The following GABRG1 variants were observed in gnomAD, a reference collection of about 807,000 sequenced individuals.
The protein encoded by GABRG1 is gamma-aminobutyric acid type A receptor subunit gamma1.
In GABRG1, 49 loss-of-function variants were observed where a neutral mutation model predicts 49.8. The ratio of observed to expected loss-of-function variants is 0.98; its 90% CI spans 0.78 to 1.25. The LOEUF (loss-of-function observed/expected upper bound fraction) is 1.25. Ranked by LOEUF, GABRG1 falls within the 50% of genes most tolerant of loss-of-function variation. The probability of loss-of-function intolerance (pLI) is 0.00; values close to 1 mark genes in which losing one functional copy is unlikely to be tolerated. For missense variants in GABRG1, 552 were observed against 552.3 expected (o/e 1.00, Z 0.01); for synonymous variants, 232 against 185.1 (o/e 1.25, Z -2.06).
intron 3 of GABRG1, among the ~76,000 whole-genome samples, chr4:46,065,880 G>A (rs575566296): frequency 1.3e-4 from 20 of 152,062 alleles, no homozygotes; most frequent in African/African-American, 3.9e-4. Context: ...CCGCCACCAC[G>A]CCTGGCTAAT....
chr4:46,102,949 G>A lies in GABRG1; in HGVS notation c.105-5600C>T, dbSNP rs574003129. On this transcript the variant is annotated intron_variant, in intron 1 of 8. Coordinates refer to ENST00000295452, the MANE Select transcript of GABRG1 (RefSeq NM_173536.4). The stretch of plus-strand genomic sequence containing the variant: ...AATTAATATAAACTATTTTTCATGC[G>A]TAAATTAAACATTCATTGAGGTTTG... Among the ~76,000 whole-genome samples the A allele has an allele frequency of 5.9e-5, 9 of 151,642 alleles. No individual in the cohort carries two copies. The East Asian group carries it at 7.8e-4, about 13-fold the overall frequency.
At chr4:46,114,470 T>A (rs1359219671) in intron 1 of GABRG1, among the ~76,000 whole-genome samples, 1 of 150,968 alleles carries the variant, frequency 6.6e-6, no homozygotes, top group African/African-American at 2.4e-5. Context: ...ATGCAGTTAA[T>A]CATACTGTAT....
At chr4:46,075,997 G>A (rs980424827) in intron 3 of GABRG1, among the ~76,000 whole-genome samples, 3 of 151,858 alleles carry the variant, frequency 2.0e-5, no homozygotes, top group East Asian at 3.9e-4. Context: ...ATTCCTTAAC[G>A]GGTAAATGTA....
rs200436750 is a variant in GABRG1, at chr4:46,060,595, AT to A, written c.626-1974del. 5.9e-5 allele frequency among the ~76,000 whole-genome samples: 9 copies of A among 152,306 alleles called. No individual in the cohort carries two copies. In the East Asian group the frequency reaches 1.7e-3, roughly 29 times the overall value. ...ATTGGTAGCACATTACATAAACAGA[AT>A]TCACTAATTAACTTGAAATTTCAAA... On this transcript the variant is annotated intron_variant, in intron 5 of 8. Transcript: ENST00000295452.
At chr4:46,050,136 G>T (rs1172097801) in intron 8 of GABRG1, among the ~76,000 whole-genome samples, 1 of 151,982 alleles carries the variant, frequency 6.6e-6, no homozygotes, top group Middle Eastern at 3.4e-3. Context: ...TGTAACAATG[G>T]ATATTATAGT....
rs778054720 is a variant in GABRG1 at position 46,064,457 on chromosome 4, T to C, written c.609A>G (p.Pro203=). 1 of 1,524,336 alleles carries C rather than the reference T, an allele frequency of 6.6e-7. No individual in the cohort carries two copies. Among genetic ancestry groups the C allele is most frequent in the African/African-American group, 1.4e-5 (1 of 70,280 alleles). 94.4% of individuals were successfully genotyped at this position (1,524,336 alleles called of 1,614,324 possible). A position where few individuals can be genotyped will look rare whatever the true frequency, so the allele number is the denominator to read the frequency against. Residue 203 remains proline (P), a synonymous_variant, in exon 5 of 9, where the codon CCA becomes CCG. Coordinates refer to ENST00000295452, the MANE Select transcript of GABRG1 (RefSeq NM_173536.4). Reference sequence around the variant, plus strand: ...GTTACTTACAGCTTGAAAATTCCAGTGGACAGGAATGTTCATCCATGGGAA... The same window carrying C: ...GTTACTTACAGCTTGAAAATTCCAGCGGACAGGAATGTTCATCCATGGGAA... ...HNFPMDEHSC[P]LEFSSYGYPK... is the part of the protein sequence containing the mutation.
intron 2 of GABRG1, among the ~76,000 whole-genome samples, chr4:46,085,450 G>T (rs891930417): frequency 6.6e-6 from 1 of 151,476 alleles, no homozygotes; most frequent in African/African-American, 2.4e-5. Context: ...GTCCAATATT[G>T]CTACTAATAT....
intron 1 of GABRG1, among the ~76,000 whole-genome samples, chr4:46,107,585 T>TC (rs1560373361): frequency 6.6e-6 from 1 of 151,062 alleles, no homozygotes; most frequent in African/African-American, 2.4e-5. Flanking sequence ...TCTCTTTTTT[T>TC]CTCATATGTG....
chr4:46,100,386 C>G (rs899551023), intron 1 of GABRG1, among the ~76,000 whole-genome samples: 10 of 151,266 alleles, frequency 6.6e-5, no homozygotes, highest in African/African-American at 2.4e-4. Context: ...GGCTTAATAC[C>G]TGGGAGATGA....
intron 8 of GABRG1, among the ~76,000 whole-genome samples, chr4:46,047,942 A>C (rs1718066591): frequency 6.6e-6 from 1 of 152,056 alleles, no homozygotes; most frequent in South Asian, 2.1e-4. Flanking sequence ...CTGGATAAAT[A>C]AATTTCTATA....
chr4:46,048,039 C>A (rs1388044642), intron 8 of GABRG1, among the ~76,000 whole-genome samples: 1 of 151,960 alleles, frequency 6.6e-6, no homozygotes, highest in Non-Finnish European at 1.5e-5. Context: ...GTAGGTACAA[C>A]ATGGTTTTCT....
chr4:46,045,552 T>G, intron 8 of GABRG1, among the ~76,000 whole-genome samples: 1 of 151,680 alleles, frequency 6.6e-6, no homozygotes, highest in Non-Finnish European at 1.5e-5. Flanking sequence ...GTACGACTCC[T>G]TAAGATTTTT....
chr4:46,097,365 A>G lies in GABRG1; in HGVS notation c.105-16T>C. Reference sequence around the variant, plus strand: ...CTTATCAACACTAAATAATTCAAAGAAAAAAATGGATGGTAGAAGGTTCAA... The same window carrying G: ...CTTATCAACACTAAATAATTCAAAGGAAAAAATGGATGGTAGAAGGTTCAA... On this transcript the variant is annotated splice_polypyrimidine_tract_variant and intron_variant, in intron 1 of 8. Coordinates refer to ENST00000295452, the MANE Select transcript of GABRG1 (RefSeq NM_173536.4). 4 of 1,592,460 alleles carry G rather than the reference A, an allele frequency of 2.5e-6. No homozygotes were observed. Among genetic ancestry groups the G allele is most frequent in the Non-Finnish European group, 3.4e-6 (4 of 1,170,450 alleles).
intron 8 of GABRG1, among the ~76,000 whole-genome samples, chr4:46,049,708 T>C (rs1195449035): frequency 6.6e-6 from 1 of 151,946 alleles, no homozygotes; most frequent in Non-Finnish European, 1.5e-5. Context: ...AAATAGTTGA[T>C]GAATGATTGA....
At chr4:46,045,036 C>G (rs896812402) in intron 8 of GABRG1, among the ~76,000 whole-genome samples, 4 of 152,002 alleles carry the variant, frequency 2.6e-5, no homozygotes, top group African/African-American at 9.7e-5. Context: ...GCAAACTTGA[C>G]AGTTACATAC....
chr4:46,054,031 G>A (rs1474634622), intron 7 of GABRG1, among the ~76,000 whole-genome samples: 3 of 37,978 alleles, frequency 7.9e-5, no homozygotes, highest in African/African-American at 1.8e-4. Context: ...TGTATAAGGT[G>A]TAAGGAAGGG....
At chr4:46,060,170 A>G (rs892474105) in intron 5 of GABRG1, among the ~76,000 whole-genome samples, 8 of 151,998 alleles carry the variant, frequency 5.3e-5, no homozygotes, top group African/African-American at 1.7e-4. Flanking sequence ...TTTGAGGTAG[A>G]CTTGTAATTA....
At chr4:46,056,142 TAAATAAATTAAAAAA>T (rs1718423784) in intron 7 of GABRG1, among the ~76,000 whole-genome samples, 1 of 5,742 alleles carries the variant, frequency 1.7e-4, no homozygotes, top group African/African-American at 1.3e-3. Context: ...AAAAAATAAA[TAAATAAATTAAAAAA>T]AAAAAAAAAA....
At chr4:46,089,380 G>A (rs2109426272) in intron 2 of GABRG1, among the ~76,000 whole-genome samples, 1 of 152,194 alleles carries the variant, frequency 6.6e-6, no homozygotes, top group Middle Eastern at 3.4e-3. Flanking sequence ...GACTAAGGTT[G>A]CAACTATGCC....
Sources: allele counts gnomAD v4.1 joint callset (sites outside exome capture counted in the v4.1 genomes callset), GRCh38; gene constraint gnomAD v4.1.1; transcripts MANE v1.5; gene names NCBI Gene and HGNC (gene_info 2026-07-23, HGNC 2026-07-21).